The following KIFAP3 variants were observed in gnomAD, a reference collection of about 807,000 sequenced individuals.
The protein encoded by KIFAP3 is kinesin-associated protein 3.
KIFAP3 carries 68 observed loss-of-function variants against 106.5 expected under a neutral mutation model. The ratio of observed to expected loss-of-function variants is 0.64; its 90% CI spans 0.53 to 0.78. The LOEUF (loss-of-function observed/expected upper bound fraction) is 0.78. Among genes scored for constraint, KIFAP3 ranks in the 30% least tolerant of loss-of-function variants. The pLI, the probability that KIFAP3 is intolerant of heterozygous loss-of-function variation, is 0.00. For synonymous variants in KIFAP3, 320 were observed against 311.5 expected, an observed-to-expected ratio of 1.03 and a Z score of -0.29; for missense variants, 780 against 941.8, an observed-to-expected ratio of 0.83 and a Z score of 2.25.
intron 8 of KIFAP3, among the ~76,000 whole-genome samples, chr1:170,030,843 G>A (rs564150811): frequency 2.0e-5 from 3 of 151,740 alleles, no homozygotes; most frequent in Non-Finnish European, 4.4e-5. Flanking sequence ...AGGAAATTTT[G>A]GGAGTGATGG....
rs555932869 is a variant in KIFAP3, at chr1:170,066,996, G to A, written c.32+7440C>T. ...GATACTCAAAGAATAGTCATCTTCA[G>A]AAAAAACTAGATAATTTTTTTAAAT... On this transcript the variant is annotated intron_variant, in intron 1 of 19. Transcript: ENST00000361580. Among the ~76,000 whole-genome samples, 4 of 151,924 alleles carry A rather than the reference G, an allele frequency of 2.6e-5. No individual in the cohort carries two copies. The East Asian group carries it at 7.7e-4, about 29-fold the overall frequency.
In KIFAP3 at chr1:170,046,619, A is replaced by G. The variant is rs1670271410; in HGVS notation, c.319+93T>C. 3.0e-6 allele frequency: 3 copies of G among 1,000,828 alleles called. No homozygotes were observed. The Admixed American group carries it at 8.7e-5, about 29-fold the overall frequency. The allele number at this position is 1,000,828 out of a possible 1,614,324, so 62.0% of individuals were successfully genotyped here. On this transcript the variant is annotated intron_variant, in intron 3 of 19. Transcript: ENST00000361580. ...AAAACCTACCCAACATCAAATATCA[A>G]TAGTTTGATAAACTTTTTTTTATAG...
chr1:170,071,602 T>C (rs1407813567), intron 1 of KIFAP3, among the ~76,000 whole-genome samples: 1 of 152,142 alleles, frequency 6.6e-6, no homozygotes, highest in Non-Finnish European at 1.5e-5. Context: ...AGGGTCTTCC[T>C]GGCTTTATAA....
intron 19 of KIFAP3, among the ~76,000 whole-genome samples, chr1:169,923,945 C>T (rs1292530663): frequency 6.6e-6 from 1 of 151,980 alleles, no homozygotes; most frequent in South Asian, 2.1e-4. Context: ...ATTTAACATT[C>T]TCAGAGTCTG....
chr1:170,068,131 C>T (rs1446732097), intron 1 of KIFAP3: 1 of 151,768 alleles, frequency 6.6e-6, no homozygotes, highest in Non-Finnish European at 1.5e-5. Flanking sequence ...CCATAATATT[C>T]AAAATACCCA....
intron 3 of KIFAP3, among the ~76,000 whole-genome samples, chr1:170,042,835 C>G (rs769848754): frequency 6.6e-6 from 1 of 152,146 alleles, no homozygotes; most frequent in South Asian, 2.1e-4. Context: ...TGGGTAGCTT[C>G]GAGGCTAGTG....
At chr1:170,066,156 T>C (rs1671433595) in intron 1 of KIFAP3, among the ~76,000 whole-genome samples, 1 of 138,592 alleles carries the variant, frequency 7.2e-6, no homozygotes, top group African/African-American at 2.7e-5. Context: ...ACTTCACAAA[T>C]TGCAGGTCTA....
At chr1:169,996,031 A>T (rs952849401) in intron 10 of KIFAP3, among the ~76,000 whole-genome samples, 1 of 152,082 alleles carries the variant, frequency 6.6e-6, no homozygotes. Context: ...CAGATGAATA[A>T]TATAGATAAG....
chr1:169,931,576 A>T (rs1291173058), intron 19 of KIFAP3, among the ~76,000 whole-genome samples: 1 of 152,218 alleles, frequency 6.6e-6, no homozygotes, highest in Non-Finnish European at 1.5e-5. Flanking sequence ...TATACTATCA[A>T]GCAATGCTTC....
At chr1:169,962,233 A>T (rs773733593) in intron 17 of KIFAP3, among the ~76,000 whole-genome samples, 74 of 152,176 alleles carry the variant, frequency 4.9e-4, no homozygotes, top group Non-Finnish European at 8.1e-4. Context: ...TTGATCATAA[A>T]CTCCTATGGA....
At chr1:170,075,522 C>T (rs1253286949), upstream of KIFAP3, among the ~76,000 whole-genome samples, 1 of 152,160 alleles carries the variant, frequency 6.6e-6, no homozygotes, top group African/African-American at 2.4e-5. Flanking sequence ...CGTAGTTGCT[C>T]TGCTGCTTTT....
At chr1:170,000,445 T>G (rs1008191569) in intron 10 of KIFAP3, among the ~76,000 whole-genome samples, 1 of 152,086 alleles carries the variant, frequency 6.6e-6, no homozygotes, top group Non-Finnish European at 1.5e-5. Flanking sequence ...GCTTCAAAAT[T>G]TGCAGGTGTC....
Position 170,055,336 on chromosome 1 carries a change from T to C in KIFAP3, c.133A>G (p.Met45Val). Residue 45 changes from methionine (M) to valine (V), a missense_variant, in exon 2 of 20, where the codon ATG becomes GTG. By Grantham distance (21) the Met-to-Val change is conservative. Coordinates refer to ENST00000361580, the MANE Select transcript of KIFAP3 (RefSeq NM_014970.4). Reference sequence around the variant, plus strand: ...TGACATTCTTTTCGTTCTCCCAACATGGGGTCCCCCATTTCTCCAAGAATG... The same window carrying C: ...TGACATTCTTTTCGTTCTCCCAACACGGGGTCCCCCATTTCTCCAAGAATG... The part of the protein sequence containing the change: ...ATILGEMGDP[M>V]LGERKECQKI... The C allele has an allele frequency of 6.2e-7, 1 of 1,605,868 alleles. No homozygotes were observed. Among genetic ancestry groups the C allele is most frequent in the Non-Finnish European group, 8.5e-7 (1 of 1,177,908 alleles).
chr1:170,000,200 C>A (rs963837486), intron 10 of KIFAP3, among the ~76,000 whole-genome samples: 2 of 152,090 alleles, frequency 1.3e-5, no homozygotes, highest in South Asian at 4.1e-4. Context: ...TGCAGTAGAT[C>A]CAGCCCAACA....
At chr1:169,999,488 A>C (rs1474366074) in intron 10 of KIFAP3, among the ~76,000 whole-genome samples, 2 of 152,222 alleles carry the variant, frequency 1.3e-5, no homozygotes, top group Admixed American at 1.3e-4. Context: ...GGGCAGTGAA[A>C]AGACTGAGTA....
chr1:170,083,561 A>T (rs1176926774), intron 1 of KIFAP3, among the ~76,000 whole-genome samples: 1 of 152,224 alleles, frequency 6.6e-6, no homozygotes, highest in African/African-American at 2.4e-5. Context: ...TTTATGTCCT[A>T]GAGTTATTGT....
intron 7 of KIFAP3, 63 bp from the exon 8 acceptor site, chr1:170,032,047 T>C: frequency 1.1e-6 from 1 of 884,582 alleles, no homozygotes; most frequent in Non-Finnish European, 1.8e-6. Flanking sequence ...TGATAAATTC[T>C]ATGAACAATG....
intron 19 of KIFAP3, among the ~76,000 whole-genome samples, chr1:169,927,226 T>C (rs1033382626): frequency 1.3e-5 from 2 of 152,176 alleles, no homozygotes; most frequent in Non-Finnish European, 2.9e-5. Flanking sequence ...TGGTTAAGTA[T>C]AGTTTTTGAA....
chr1:170,063,757 C>G (rs1042728127), intron 1 of KIFAP3, among the ~76,000 whole-genome samples: 1 of 152,110 alleles, frequency 6.6e-6, no homozygotes, highest in African/African-American at 2.4e-5. Context: ...CAACCTGGCT[C>G]TTCCATATTT....
Sources: gnomAD v4.1 joint callset for allele counts (sites outside exome capture counted in the v4.1 genomes callset) on GRCh38, gnomAD v4.1.1 for gene constraint, MANE v1.5 for transcripts, NCBI Gene and HGNC (gene_info 2026-07-23, HGNC 2026-07-21) for gene names.